RNF217: variants seen among roughly 807,000 people sequenced by gnomAD.
RNF217 encodes E3 ubiquitin-protein ligase RNF217.
In RNF217, 31 loss-of-function variants were observed where a neutral mutation model predicts 57.8. The observed-to-expected ratio is 0.54, with a 90% confidence interval of 0.40 to 0.72. RNF217 has a LOEUF of 0.72. Among genes scored for constraint, RNF217 ranks in the 30% least tolerant of loss-of-function variants. The pLI is 0.00. For missense variants in RNF217, 696 were observed against 708.3 expected (o/e 0.98, Z 0.20); for synonymous variants, 313 against 294.0 (o/e 1.06, Z -0.66).
chr6:125,048,958 C>G (rs1562485346), intron 2 of RNF217, among the ~76,000 whole-genome samples: 5 of 151,962 alleles, frequency 3.3e-5, no homozygotes, highest in Admixed American at 6.6e-5. Flanking sequence ...ATTCAGACAA[C>G]CTTGCCTTTT....
intron 4 of RNF217, among the ~76,000 whole-genome samples, chr6:125,081,048 T>C (rs1052115882): frequency 1.1e-4 from 17 of 152,156 alleles, no homozygotes; most frequent in African/African-American, 4.1e-4. Flanking sequence ...GTAACAAGAT[T>C]TTCTCCTACC....
chr6:125,023,150 T>G (rs6569408), intron 1 of RNF217, among the ~76,000 whole-genome samples: 141,380 of 152,164 alleles, frequency 0.93, 66,033 homozygotes, highest in Non-Finnish European at 0.98. Flanking sequence ...AGTTTTGAGG[T>G]ATTACAAAAG....
chr6:125,055,909 ATTTAT>A (rs1159231259), intron 2 of RNF217, among the ~76,000 whole-genome samples: 1 of 152,144 alleles, frequency 6.6e-6, no homozygotes, highest in East Asian at 1.9e-4. Context: ...TTTAAAAATG[ATTTAT>A]TTTAATTGTA....
chr6:125,052,375 C>A (rs1787360354), intron 2 of RNF217, among the ~76,000 whole-genome samples: 1 of 149,200 alleles, frequency 6.7e-6, no homozygotes, highest in African/African-American at 2.5e-5. Flanking sequence ...TGGTCCTCAG[C>A]CTTTAGGAAA....
At chr6:124,971,024 G>T (rs1239074819) in intron 1 of RNF217, among the ~76,000 whole-genome samples, 4 of 152,136 alleles carry the variant, frequency 2.6e-5, no homozygotes, top group Non-Finnish European at 5.9e-5. Context: ...GGGTTCAAAA[G>T]AACAGGAACA....
intron 1 of RNF217, among the ~76,000 whole-genome samples, chr6:125,026,423 C>T (rs143160470): frequency 1.3e-5 from 2 of 152,216 alleles, no homozygotes; most frequent in Non-Finnish European, 2.9e-5. Context: ...ATACTAAACG[C>T]TCAACAAATG....
Position 124,965,447 on chromosome 6 carries a change from C to T in RNF217, c.882+2021C>T, listed in dbSNP as rs146498353. Among the ~76,000 whole-genome samples the T allele has an allele frequency of 6.7e-3, 1,024 of 152,152 alleles. 10 individuals are homozygous for T. The highest frequency in any genetic ancestry group is 0.024 in the African/African-American group (981 of 41,488). ...AATTAGCTGGGCATGGTGGCGCATG[C>T]CTGTAATCCCAGCTACTTGGAAGGC... On this transcript the variant is annotated intron_variant, in intron 1 of 5. Coordinates refer to ENST00000521654, the MANE Select transcript of RNF217 (RefSeq NM_001286398.3).
chr6:125,007,501 C>G (rs1032055581), intron 1 of RNF217, among the ~76,000 whole-genome samples: 1 of 152,168 alleles, frequency 6.6e-6, no homozygotes, highest in African/African-American at 2.4e-5. Flanking sequence ...CCTGCCTCAG[C>G]CTCCCAAAGT....
At chr6:125,058,180 A>G (rs1407866670) in intron 3 of RNF217, 74 bp downstream of exon 3, 1 of 1,321,366 alleles carries the variant, frequency 7.6e-7, no homozygotes. Context: ...ACATTATTGA[A>G]GGGAATTATA....
At chr6:124,988,815 A>T (rs1562454995) in intron 1 of RNF217, among the ~76,000 whole-genome samples, 1 of 152,232 alleles carries the variant, frequency 6.6e-6, no homozygotes, top group East Asian at 1.9e-4. Context: ...CTGATTTTCC[A>T]GGTCACTTCA....
In RNF217 at chr6:125,076,710, C is replaced by A. The variant is rs1173362400; in HGVS notation, c.1335C>A (p.Asn445Lys). Residue 445 changes from asparagine (N) to lysine (K), a missense_variant, in exon 4 of 6, where the codon AAC becomes AAA. This residue lies in a region of RNF217 where 231 missense variants were observed against 321.4 expected (regional missense o/e 0.72). Transcript: ENST00000521654. ...ACCATATGACCTGCTCACAATGTAA[C>A]ACTAATTTTTGTTACCGATGTGGTG... ...GCDHMTCSQC[N>K]TNFCYRCGER... 1.9e-6 allele frequency: 3 copies of A among 1,613,358 alleles called. No individual in the cohort carries two copies. The East Asian group carries it at 6.7e-5, about 36-fold the overall frequency.
At chr6:125,082,223 G>A (rs1483251993) in intron 5 of RNF217, among the ~76,000 whole-genome samples, 4 of 152,008 alleles carry the variant, frequency 2.6e-5, no homozygotes, top group African/African-American at 9.7e-5. Context: ...GAGAACTATT[G>A]CTTTAGTAAT....
chr6:125,005,000 G>C (rs1401693156), intron 1 of RNF217, among the ~76,000 whole-genome samples: 1 of 152,128 alleles, frequency 6.6e-6, no homozygotes, highest in Non-Finnish European at 1.5e-5. Flanking sequence ...GAAGACTTTT[G>C]TGCTGTGTTA....
At chr6:125,057,632 G>A (rs963210479) in intron 2 of RNF217, among the ~76,000 whole-genome samples, 1 of 152,178 alleles carries the variant, frequency 6.6e-6, no homozygotes, top group African/African-American at 2.4e-5. Flanking sequence ...TGGATTTGGG[G>A]CCTTGTGAGC....
rs1788886885 is a variant in RNF217, at chr6:125,090,012, C to T, written c.*7075C>T. 1 of 151,964 alleles carries T rather than the reference C, an allele frequency of 6.6e-6. No homozygotes were observed. Among genetic ancestry groups the T allele is most frequent in the Admixed American group, 6.6e-5 (1 of 15,224 alleles). The allele number at this position is 151,964 out of a possible 1,614,324, so 9.4% of individuals were successfully genotyped here. A position where few individuals can be genotyped will look rare whatever the true frequency, so the allele number is the denominator to read the frequency against. On this transcript the variant is annotated 3_prime_UTR_variant, in exon 6 of 6. Transcript: ENST00000521654. ...GTATCATAATTTCATTATCAGCTGA[C>T]AAGAAACCCTTCTAAGACCCATTTT...
Position 124,963,309 on chromosome 6 carries a change from TGTGCCCCTCATG to T in RNF217, c.770_781del (p.Pro257_Val260del). The T allele has an allele frequency of 6.5e-7, 1 of 1,535,756 alleles. No homozygotes were observed. The highest frequency in any genetic ancestry group is 8.7e-7 in the Non-Finnish European group (1 of 1,146,732). On this transcript the variant is annotated inframe_deletion, in exon 1 of 6. Transcript: ENST00000521654. ...GCCTGGGCGGTGTAGGGGATCCCTA[TGTGCCCCTCATG>T]GTGCTGATGTGCCGGGTGTGCCTGG... is the stretch of plus-strand genomic sequence containing the variant.
At chr6:125,052,288 G>GTGTGTA (rs1358417382) in intron 2 of RNF217, among the ~76,000 whole-genome samples, 21 of 127,506 alleles carry the variant, frequency 1.6e-4, no homozygotes, top group African/African-American at 8.6e-4. Flanking sequence ...TGCGTTTTGT[G>GTGTGTA]TGTGTGTGTG....
chr6:124,962,573 G>A lies in RNF217; in HGVS notation c.29G>A (p.Gly10Asp), dbSNP rs1295267907. ...GGCGAGGAGCAGAGCACGGTGAGCG[G>A]CGGCGGCGGGCCCCAGGAGTCGCAG... Reference protein sequence around the residue: MGEEQSTVSGGGGPQESQTL... With the variant: MGEEQSTVSDGGGPQESQTL... Residue 10 changes from glycine (G) to aspartate (D), a missense_variant, in exon 1 of 6, where the codon GGC becomes GAC. Gly to Asp is a moderately conservative substitution (Grantham distance 94, BLOSUM62 -1). Around this residue, in one of 2 missense-constraint regions of RNF217, gnomAD observed 465 missense variants for 386.8 expected, o/e 1.20. Coordinates refer to ENST00000521654, the MANE Select transcript of RNF217 (RefSeq NM_001286398.3). The surrounding 1 kb of genome is among the most constrained non-coding windows in gnomAD (Gnocchi z 4.6). The A allele has an allele frequency of 1.6e-6, 2 of 1,262,544 alleles. No individual in the cohort carries two copies. Among genetic ancestry groups the A allele is most frequent in the African/African-American group, 1.6e-5 (1 of 63,704 alleles). 78.2% of individuals were successfully genotyped at this position (1,262,544 alleles called of 1,614,324 possible).
chr6:125,050,374 T>C (rs1006564092), intron 2 of RNF217, among the ~76,000 whole-genome samples: 1 of 151,942 alleles, frequency 6.6e-6, no homozygotes, highest in Admixed American at 6.6e-5. Context: ...TTTTGATGCA[T>C]CTTTCACCCC....
Sources: gnomAD v4.1 joint callset for allele counts (sites outside exome capture counted in the v4.1 genomes callset) on GRCh38, gnomAD v4.1.1 for gene constraint, gnomAD v4.1.1 regional missense constraint, Gnocchi (gnomAD v3.1) non-coding constraint, MANE v1.5 for transcripts, NCBI Gene and HGNC (gene_info 2026-07-23, HGNC 2026-07-21) for gene names.